ZDHHC11: variants seen among roughly 807,000 people sequenced by gnomAD.
ZDHHC11 encodes zDHHC palmitoyltransferase 11.
Under a neutral mutation model 51.3 loss-of-function variants are expected in ZDHHC11, and 44 were observed. The observed-to-expected ratio is 0.86, with a 90% CI of 0.67 to 1.10. The LOEUF is 1.10. Among genes scored for constraint, ZDHHC11 ranks in the 50% least tolerant of loss-of-function variants. ZDHHC11 has a pLI of 0.00. For missense variants in ZDHHC11, 400 were observed against 537.7 expected, an observed-to-expected ratio of 0.74 and a Z score of 2.53; for synonymous variants, 163 against 222.0, an observed-to-expected ratio of 0.73 and a Z score of 2.36.
chr5:807,948 G>C (rs1739506861), intron 11 of ZDHHC11, among the ~76,000 whole-genome samples: 2 of 151,116 alleles, frequency 1.3e-5, no homozygotes, highest in African/African-American at 4.9e-5. Flanking sequence ...TCAGACGCAG[G>C]TCCTGGACTG....
chr5:810,834 TGAA>T (rs1426067161), intron 11 of ZDHHC11, among the ~76,000 whole-genome samples: 18 of 152,140 alleles, frequency 1.2e-4, no homozygotes, highest in Non-Finnish European at 2.5e-4. Flanking sequence ...TTGAATGAAA[TGAA>T]GAAGGCTTCC....
chr5:831,130 ATTTATC>A (rs1223885851), intron 7 of ZDHHC11, among the ~76,000 whole-genome samples: 1 of 149,342 alleles, frequency 6.7e-6, no homozygotes, highest in Non-Finnish European at 1.5e-5. Context: ...ATTTAGCTTA[ATTTATC>A]TTTATTTTAA....
intron 1 of ZDHHC11, 93 bp downstream of exon 1, chr5:850,288 C>T (rs1330670769): frequency 2.0e-5 from 29 of 1,419,824 alleles, no homozygotes; most frequent in South Asian, 1.7e-4. Flanking sequence ...CTGGTGCCAC[C>T]GGGCAGCCAT....
chr5:850,385 T>C lies in ZDHHC11; in HGVS notation c.218A>G (p.Tyr73Cys), dbSNP rs780912768. ...ATGCCACGATGAAAAGGATACCACG[T>C]AGGCAATGTATTTCCACGCGTGAGG... is the stretch of plus-strand genomic sequence containing the variant. ...FLPHAWKYIA[Y>C]VVTGGIFSFH... The change falls in exon 1 of 13, where the codon TAC becomes TGC. Residue 73 changes from tyrosine (Y) to cysteine (C), a missense_variant. Physicochemically the swap from Tyr to Cys is radical, Grantham distance 194 (BLOSUM62 -2). This residue lies in a region of ZDHHC11 where 119 missense variants were observed against 99.6 expected (regional missense o/e 1.20). Coordinates refer to ENST00000283441, the MANE Select transcript of ZDHHC11 (RefSeq NM_024786.3). 2.2e-5 allele frequency: 35 copies of C among 1,613,420 alleles called. No individual in the cohort carries two copies. Among genetic ancestry groups the C allele is most frequent in the Non-Finnish European group, 3.0e-5 (35 of 1,179,946 alleles).
chr5:803,266 T>C (rs1738749066), intron 11 of ZDHHC11, among the ~76,000 whole-genome samples: 2 of 151,310 alleles, frequency 1.3e-5, no homozygotes, highest in South Asian at 4.2e-4. Flanking sequence ...TTGGTTTTGA[T>C]CCACTTGGCA....
At chr5:846,485 C>T (rs1266070362) in intron 3 of ZDHHC11, among the ~76,000 whole-genome samples, 6 of 150,766 alleles carry the variant, frequency 4.0e-5, no homozygotes, top group Non-Finnish European at 7.4e-5. Context: ...GAGCCTCCAC[C>T]GTGCTCAGGG....
chr5:841,969 C>T, intron 4 of ZDHHC11: 1 of 989,746 alleles, frequency 1.0e-6, no homozygotes. Context: ...GCTCCATGTG[C>T]CTGGGCCGGG....
intron 8 of ZDHHC11, chr5:823,925 C>A: frequency 2.6e-6 from 1 of 390,786 alleles, no homozygotes; most frequent in South Asian, 1.9e-5. Flanking sequence ...GGGCTGGGGG[C>A]TCAATCGATT....
At chr5:819,238 T>C (rs115343837) in intron 10 of ZDHHC11, among the ~76,000 whole-genome samples, 12,906 of 151,328 alleles carry the variant, frequency 0.085, 1,028 homozygotes, top group Admixed American at 0.2. Flanking sequence ...CTTCAGAGCC[T>C]GCCCTGGGCA....
upstream of ZDHHC11, among the ~76,000 whole-genome samples, chr5:859,185 A>C (rs1227272921): frequency 1.3e-5 from 2 of 152,108 alleles, no homozygotes; most frequent in Admixed American, 6.5e-5. Flanking sequence ...ACTACAAAAA[A>C]ACAGGACGTA....
At chr5:822,684 T>G (rs1426601398) in intron 8 of ZDHHC11, among the ~76,000 whole-genome samples, 1 of 151,360 alleles carries the variant, frequency 6.6e-6, no homozygotes. Flanking sequence ...TTTATTTATA[T>G]TTTTTAGAGG....
At chr5:829,278 A>G (rs1742755105) in intron 7 of ZDHHC11, among the ~76,000 whole-genome samples, 1 of 151,392 alleles carries the variant, frequency 6.6e-6, no homozygotes, top group Non-Finnish European at 1.5e-5. Flanking sequence ...AAAGAAGAGA[A>G]AAGATCCAAA....
chr5:802,555 A>T (rs932485480), intron 11 of ZDHHC11, among the ~76,000 whole-genome samples: 2 of 150,756 alleles, frequency 1.3e-5, no homozygotes, highest in Non-Finnish European at 3.0e-5. Context: ...ACAAAATGGT[A>T]TTGTAGAAAG....
intron 4 of ZDHHC11, chr5:843,317 G>C: frequency 1.8e-6 from 1 of 570,502 alleles, no homozygotes; most frequent in African/African-American, 2.0e-5. Context: ...GCGGAGGGCA[G>C]GGGCAGAGGT....
At chr5:802,256 T>G (rs1413942893) in intron 11 of ZDHHC11, among the ~76,000 whole-genome samples, 2 of 151,256 alleles carry the variant, frequency 1.3e-5, no homozygotes, top group East Asian at 3.9e-4. Flanking sequence ...GGGGGAGCAG[T>G]AGTCTTGGTA....
rs1170581249 is a variant in ZDHHC11 at position 799,266 on chromosome 5, C to T, written c.*7+1834G>A. Among the ~76,000 whole-genome samples, 23 of 151,402 alleles carry T rather than the reference C, an allele frequency of 1.5e-4. 1 individual carries two copies. Among genetic ancestry groups the T allele is most frequent in the African/African-American group, 5.6e-4 (23 of 41,188 alleles). On this transcript the variant is annotated intron_variant, in intron 12 of 12. Transcript: ENST00000283441. ...GGGCCTGGAGCCTCCCCCAGCCCTT[C>T]GCCTCCTCTCTCTCCATGTGATCTC... is the stretch of plus-strand genomic sequence containing the variant.
At chr5:809,781 T>C (rs138059309) in intron 11 of ZDHHC11, among the ~76,000 whole-genome samples, 7,325 of 94,298 alleles carry the variant, frequency 0.078, 612 homozygotes, top group African/African-American at 0.27. Context: ...CTAGGAATGC[T>C]TACAATTAGT....
At chr5:840,767 G>A in intron 4 of ZDHHC11, 117 bp from the exon 5 acceptor site, 2 of 1,561,408 alleles carry the variant, frequency 1.3e-6, no homozygotes, top group Non-Finnish European at 1.7e-6. Flanking sequence ...GCCAGTGCGA[G>A]GGATGTCTCC....
intron 3 of ZDHHC11, among the ~76,000 whole-genome samples, chr5:846,550 C>A (rs2150440683): frequency 6.7e-6 from 1 of 148,614 alleles, no homozygotes. Flanking sequence ...CACGTCTCAT[C>A]TGTGAGTCTC....
Sources: gnomAD v4.1 joint callset for allele counts (sites outside exome capture counted in the v4.1 genomes callset) on GRCh38, gnomAD v4.1.1 for gene constraint, gnomAD v4.1.1 regional missense constraint, MANE v1.5 for transcripts, NCBI Gene and HGNC (gene_info 2026-07-23, HGNC 2026-07-21) for gene names.